The following RMND1 variants were observed in gnomAD, a reference collection of about 807,000 sequenced individuals.
RMND1 encodes required for meiotic nuclear division protein 1 homolog.
A neutral mutation model predicts 54.0 loss-of-function variants in RMND1; 41 were observed. The ratio of observed to expected loss-of-function variants is 0.76; its 90% CI spans 0.59 to 0.98. The LOEUF (loss-of-function observed/expected upper bound fraction) is 0.98. Ranked by LOEUF, RMND1 falls within the 50% of genes least tolerant of loss-of-function variation. RMND1 has a pLI of 0.00. For missense variants in RMND1, 457 were observed against 532.0 expected (o/e 0.86, Z 1.39); for synonymous variants, 183 against 181.7 (o/e 1.01, Z -0.06).
In RMND1 at chr6:151,422,813, A is replaced by G. The variant is rs9478203; in HGVS notation, c.938-208T>C. Among the ~76,000 whole-genome samples, 15,376 of 152,206 alleles carry G rather than the reference A, an allele frequency of 0.1. 2,312 individuals are homozygous for G. The highest frequency in any genetic ancestry group is 0.33 in the African/African-American group (13,754 of 41,460). Reference sequence around the variant, plus strand: ...GAAACTGAATCGCTTTCCATGCCCTATTGGAAGACCAAAGCTACATTTAGT... The same window carrying G: ...GAAACTGAATCGCTTTCCATGCCCTGTTGGAAGACCAAAGCTACATTTAGT... On this transcript the variant is annotated intron_variant, in intron 7 of 11. Transcript: ENST00000444024.
intron 1 of RMND1, among the ~76,000 whole-genome samples, chr6:151,450,293 C>T (rs1349306412): frequency 2.0e-4 from 31 of 151,528 alleles, no homozygotes; most frequent in Non-Finnish European, 3.7e-4. Context: ...CGCCTCTGCC[C>T]GGCCGCCCCA....
At position 151,405,264 on chromosome 6, in the gene RMND1, T is replaced by G. The variant is rs141875676; in HGVS notation, c.1321A>C (p.Met441Leu). The G allele has an allele frequency of 4.3e-4, 697 of 1,612,596 alleles. 3 individuals carry two copies. The highest frequency in any genetic ancestry group is 2.6e-4 in the Non-Finnish European group (301 of 1,178,732). ...MIVILITIEV[M>L]FELGRVFF Reference sequence around the variant, plus strand: ...AAAAATACTCGTCCCAGCTCAAACATTACCTTAGAATAGAAAGTGAGAATT... The same window carrying G: ...AAAAATACTCGTCCCAGCTCAAACAGTACCTTAGAATAGAAAGTGAGAATT... The change falls in exon 12 of 12, where the codon ATG becomes CTG. Residue 441 changes from methionine (M) to leucine (L), a missense_variant. Coordinates refer to ENST00000444024, the MANE Select transcript of RMND1 (RefSeq NM_017909.4).
intron 2 of RMND1, among the ~76,000 whole-genome samples, chr6:151,437,523 T>C (rs918337419): frequency 6.6e-6 from 1 of 152,208 alleles, no homozygotes; most frequent in Non-Finnish European, 1.5e-5. Flanking sequence ...ATGGGGTTGT[T>C]GTAAAGTTTA....
intron 8 of RMND1, 58 bp from the exon 9 acceptor site, chr6:151,421,379 A>G (rs1780147028): frequency 1.1e-5 from 14 of 1,323,918 alleles, no homozygotes; most frequent in Non-Finnish European, 1.5e-5. Context: ...TCTAATAAGC[A>G]TTAGGTCAAC....
intron 1 of RMND1, among the ~76,000 whole-genome samples, chr6:151,449,904 GCCTCCC>G (rs1781083866): frequency 6.6e-6 from 1 of 152,236 alleles, no homozygotes; most frequent in Non-Finnish European, 1.5e-5. Context: ...GCCAGCCTCG[GCCTCCC>G]GAGGTGCCGG....
intron 1 of RMND1, among the ~76,000 whole-genome samples, chr6:151,450,515 G>A (rs79103768): frequency 2.2e-5 from 3 of 135,314 alleles, no homozygotes; most frequent in Non-Finnish European, 4.7e-5. Context: ...CAGCCGCCCC[G>A]TCCGGGAGGG....
At position 151,416,303 on chromosome 6, in the gene RMND1, G is replaced by T. The variant is rs1448384835; in HGVS notation, c.1200+976C>A. ...CACAGTTTTGTGTCTTGATCATGTG[G>T]TTGCATGGATCTATAGATGTGGCAA... On this transcript the variant is annotated intron_variant, in intron 10 of 11. Coordinates refer to ENST00000444024, the MANE Select transcript of RMND1 (RefSeq NM_017909.4). Among the ~76,000 whole-genome samples the T allele has an allele frequency of 3.3e-5, 5 of 152,030 alleles. No homozygotes were observed. In the South Asian group the frequency reaches 1.0e-3, roughly 32 times the overall value.
chr6:151,405,834 G>C lies in RMND1; in HGVS notation c.1203C>G (p.Val401=), dbSNP rs752095518. The C allele has an allele frequency of 7.0e-6, 11 of 1,566,606 alleles. No individual in the cohort carries two copies. The highest frequency in any genetic ancestry group is 9.7e-6 in the Non-Finnish European group (11 of 1,138,188). Residue 401 remains valine (V), a splice_region_variant and synonymous_variant, in exon 11 of 12, where the codon GTC becomes GTG. Coordinates refer to ENST00000444024, the MANE Select transcript of RMND1 (RefSeq NM_017909.4). ...TGCAGTGCTGAAGTTTTTCATTCAT[G>C]ACCTATGTAAGAAAAATTTCAGTAA... ...QFLSIGRRVK[V]MNEKLQHCME... is the part of the protein sequence containing the mutation.
Position 151,451,020 on chromosome 6 carries a change from C to T in RMND1, c.-15+996G>A, listed in dbSNP as rs1480347692. On this transcript the variant is annotated intron_variant, in intron 1 of 11. Coordinates refer to ENST00000444024, the MANE Select transcript of RMND1 (RefSeq NM_017909.4). ...TGAAGGCAGCGTGCTGGTTAAGAGT[C>T]ATCACCACTCCCTAATCTCAAGTAC... is the stretch of plus-strand genomic sequence containing the variant. Among the ~76,000 whole-genome samples the T allele has an allele frequency of 5.3e-5, 8 of 152,020 alleles. No individual in the cohort carries two copies. In the South Asian group the frequency reaches 6.2e-4, roughly 12 times the overall value.
At chr6:151,444,704 T>C (rs938865440) in intron 2 of RMND1, 1 of 152,292 alleles carries the variant, frequency 6.6e-6, no homozygotes, top group African/African-American at 2.4e-5. Context: ...ATACAAAGGT[T>C]ATCAAGGGCT....
At chr6:151,450,595 G>A (rs1347435429) in intron 1 of RMND1, among the ~76,000 whole-genome samples, 3 of 144,806 alleles carry the variant, frequency 2.1e-5, no homozygotes, top group East Asian at 4.4e-4. Context: ...TCAGCCCCCC[G>A]CCCGGCCAGC....
chr6:151,433,152 T>C lies in RMND1; in HGVS notation c.689+3A>G. On this transcript the variant is annotated splice_donor_region_variant and intron_variant, in intron 4 of 11. Coordinates refer to ENST00000444024, the MANE Select transcript of RMND1 (RefSeq NM_017909.4). ...ACCTAATGGGGTTTCTTTCCTGTCTTACCTGAAGAAGAATATTGTTCCAGG... is the reference window on the plus strand; with the variant it reads ...ACCTAATGGGGTTTCTTTCCTGTCTCACCTGAAGAAGAATATTGTTCCAGG... 6.2e-7 allele frequency: 1 copy of C among 1,605,076 alleles called. No homozygotes were observed. Among genetic ancestry groups the C allele is most frequent in the South Asian group, 1.1e-5 (1 of 90,548 alleles).
At chr6:151,409,000 C>G (rs1191231924) in intron 10 of RMND1, 1 of 152,206 alleles carries the variant, frequency 6.6e-6, no homozygotes, top group African/African-American at 2.4e-5. Flanking sequence ...AATGGGGAGG[C>G]CTTTGTTCAG....
At chr6:151,427,353 G>A in intron 6 of RMND1, 129 bp downstream of exon 6, 1 of 519,042 alleles carries the variant, frequency 1.9e-6, no homozygotes, top group South Asian at 2.1e-5. Context: ...TCCATCCTGG[G>A]CGACAGAGTG....
intron 2 of RMND1, among the ~76,000 whole-genome samples, chr6:151,442,568 G>A (rs1476726267): frequency 7.2e-5 from 11 of 152,014 alleles, no homozygotes; most frequent in Non-Finnish European, 1.3e-4. Context: ...TCACTCTGTC[G>A]CCCAGGCTGG....
intron 9 of RMND1, 33 bp downstream of exon 9, chr6:151,421,212 A>G (rs936924836): frequency 4.2e-6 from 6 of 1,420,004 alleles, no homozygotes; most frequent in Non-Finnish European, 5.9e-6. Context: ...TGTTAAATAT[A>G]TGAAATATTT....
chr6:151,406,523 G>A (rs113257755), intron 10 of RMND1, among the ~76,000 whole-genome samples: 2,223 of 152,068 alleles, frequency 0.015, 53 homozygotes, highest in African/African-American at 0.049. Flanking sequence ...CACCACGCCC[G>A]GCTAATTTTT....
chr6:151,450,897 C>G (rs1008585854), intron 1 of RMND1, among the ~76,000 whole-genome samples: 13 of 152,274 alleles, frequency 8.5e-5, no homozygotes, highest in African/African-American at 3.1e-4. Context: ...AATCGGTGAC[C>G]TTACCCCCAA....
chr6:151,432,372 G>T (rs1226457904), intron 4 of RMND1, among the ~76,000 whole-genome samples: 1 of 152,092 alleles, frequency 6.6e-6, no homozygotes, highest in Non-Finnish European at 1.5e-5. Context: ...TCTAAAGATG[G>T]GGTCAAAAGG....
Sources: allele counts gnomAD v4.1 joint callset (sites outside exome capture counted in the v4.1 genomes callset), GRCh38; gene constraint gnomAD v4.1.1; transcripts MANE v1.5; gene names NCBI Gene and HGNC (gene_info 2026-07-23, HGNC 2026-07-21).